RXRA: variants seen among roughly 807,000 people sequenced by gnomAD.
RXRA encodes retinoic acid receptor RXR-alpha.
Under a neutral mutation model 44.5 loss-of-function variants are expected in RXRA, and 5 were observed. The observed-to-expected ratio is 0.11, with a 90% confidence interval of 0.06 to 0.24. RXRA has a LOEUF of 0.24. RXRA is among the 10% of genes least tolerant of loss of function. RXRA has a pLI of 1.00. For missense variants in RXRA, 412 were observed against 646.5 expected, an observed-to-expected ratio of 0.64 and a Z score of 3.93; for synonymous variants, 291 against 271.4, an observed-to-expected ratio of 1.07 and a Z score of -0.71.
At chr9:134,372,824 C>T (rs574201202) in intron 1 of RXRA, among the ~76,000 whole-genome samples, 6 of 152,342 alleles carry the variant, frequency 3.9e-5, no homozygotes, top group African/African-American at 1.4e-4. Flanking sequence ...GCTGTGTGAC[C>T]CCAGGCGGTA....
Position 134,354,866 on chromosome 9 carries a change from G to T in RXRA, c.28+28207G>T, listed in dbSNP as rs558861589. Among the ~76,000 whole-genome samples the T allele has an allele frequency of 7.2e-5, 11 of 152,364 alleles. No homozygotes were observed. In the East Asian group the frequency reaches 2.1e-3, roughly 29 times the overall value. On this transcript the variant is annotated intron_variant, in intron 1 of 9. Transcript: ENST00000481739. ...CGTCCCATAGGCCTGTGCACTCCCAGTCCCCTAAGAGCCAGTGGAGCTGGC... is the reference window on the plus strand; with the variant it reads ...CGTCCCATAGGCCTGTGCACTCCCATTCCCCTAAGAGCCAGTGGAGCTGGC...
Position 134,426,693 on chromosome 9 carries a change from C to T in RXRA, c.911-2415C>T, listed in dbSNP as rs1322554396. The T allele has an allele frequency of 8.1e-6, 8 of 985,372 alleles. No individual in the cohort carries two copies. The highest frequency in any genetic ancestry group is 6.1e-5 in the Admixed American group (1 of 16,286). The allele number at this position is 985,372 out of a possible 1,614,324, so 61.0% of individuals were successfully genotyped here. On this transcript the variant is annotated intron_variant, in intron 6 of 9. Transcript: ENST00000481739. The surrounding 1 kb of genome is among the most constrained non-coding windows in gnomAD (Gnocchi z 4.6). ...TGCCTGCTGGGTGGCCTCAGGGGCT[C>T]TCGGGGCAGTGGGAGGGGAGGTGGC...
At chr9:134,432,519 C>T (rs940396330) in intron 8 of RXRA, among the ~76,000 whole-genome samples, 1 of 152,228 alleles carries the variant, frequency 6.6e-6, no homozygotes, top group Non-Finnish European at 1.5e-5. Context: ...CACAGGCCTC[C>T]TGGCCGACAG....
At chr9:134,350,444 G>A (rs971530345) in intron 1 of RXRA, among the ~76,000 whole-genome samples, 3 of 152,222 alleles carry the variant, frequency 2.0e-5, no homozygotes, top group Non-Finnish European at 4.4e-5. Context: ...AGCCACCTGC[G>A]TGGCGTGCTG....
intron 1 of RXRA, among the ~76,000 whole-genome samples, chr9:134,374,570 C>T (rs951526570): frequency 2.0e-5 from 3 of 152,212 alleles, no homozygotes; most frequent in African/African-American, 7.2e-5. Flanking sequence ...GTCTTCCTCC[C>T]AGACCAAACC....
intron 3 of RXRA, among the ~76,000 whole-genome samples, 165 bp from the exon 4 acceptor site, chr9:134,408,775 G>T (rs1223256068): frequency 6.6e-6 from 1 of 152,236 alleles, no homozygotes; most frequent in Non-Finnish European, 1.5e-5. Flanking sequence ...GAGGAGCAGA[G>T]AGAGTGAGGC....
Position 134,417,205 on chromosome 9 carries a change from G to T in RXRA, c.658G>T (p.Val220Leu). 1 of 1,613,540 alleles carries T rather than the reference G, an allele frequency of 6.2e-7. No homozygotes were observed. The highest frequency in any genetic ancestry group is 8.5e-7 in the Non-Finnish European group (1 of 1,179,978). Residue 220 changes from valine (V) to leucine (L), a missense_variant, in exon 5 of 10, where the codon GTG (valine) becomes TTG (leucine). By Grantham distance (32) the Val-to-Leu change is conservative. Around this residue, in one of 4 missense-constraint regions of RXRA, gnomAD observed 67 missense variants for 78.7 expected, o/e 0.85. Transcript: ENST00000481739. The surrounding 1 kb of genome is among the most constrained non-coding windows in gnomAD (Gnocchi z 6.1). ...TGGCAAGGACCGGAACGAGAATGAG[G>T]TGGAGTCGACCAGCAGCGCCAACGA... ...QRGKDRNENE[V>L]ESTSSANEDM...
intron 1 of RXRA, among the ~76,000 whole-genome samples, chr9:134,355,940 G>T (rs1035614964): frequency 1.3e-5 from 2 of 152,170 alleles, no homozygotes; most frequent in Non-Finnish European, 2.9e-5. Context: ...GACAAGCCCT[G>T]GGGGAGGGCA....
intron 1 of RXRA, among the ~76,000 whole-genome samples, chr9:134,392,090 G>A (rs1830808474): frequency 6.6e-6 from 1 of 152,242 alleles, no homozygotes; most frequent in Non-Finnish European, 1.5e-5. Flanking sequence ...CAGTGTGCAG[G>A]GCAAGCCCCG....
rs1277616081 is a variant in RXRA, at chr9:134,333,437, C to T, written c.28+6778C>T. Among the ~76,000 whole-genome samples the T allele has an allele frequency of 2.0e-5, 3 of 152,210 alleles. No homozygotes were observed. In the South Asian group the frequency reaches 6.2e-4, roughly 32 times the overall value. Reference sequence around the variant, plus strand: ...GGGCCTCGGTTTCCCCAGCTGTACCCGGGGCCAGGGCTGGGGGTGATGGGT... The same window carrying T: ...GGGCCTCGGTTTCCCCAGCTGTACCTGGGGCCAGGGCTGGGGGTGATGGGT... On this transcript the variant is annotated intron_variant, in intron 1 of 9. Coordinates refer to ENST00000481739, the MANE Select transcript of RXRA (RefSeq NM_002957.6).
rs189431157 is a variant in RXRA at position 134,353,282 on chromosome 9, G to A, written c.28+26623G>A. 1.3e-3 allele frequency among the ~76,000 whole-genome samples: 193 copies of A among 152,272 alleles called. 1 individual carries two copies. Among genetic ancestry groups the A allele is most frequent in the African/African-American group, 4.3e-3 (180 of 41,536 alleles). On this transcript the variant is annotated intron_variant, in intron 1 of 9. Coordinates refer to ENST00000481739, the MANE Select transcript of RXRA (RefSeq NM_002957.6). ...GTGGATTTCCTGGAGTCCTTCTCAGGGGTATCCCTGGTGTGCAGAGGTGGG... is the reference window on the plus strand; with the variant it reads ...GTGGATTTCCTGGAGTCCTTCTCAGAGGTATCCCTGGTGTGCAGAGGTGGG...
intron 1 of RXRA, among the ~76,000 whole-genome samples, chr9:134,357,492 G>A (rs1012487683): frequency 2.0e-5 from 3 of 152,114 alleles, no homozygotes; most frequent in Non-Finnish European, 4.4e-5. Context: ...AGTTGGTGAG[G>A]TCCGTATGTC....
At position 134,377,711 on chromosome 9, in the gene RXRA, A is replaced by C. The variant is rs139695458; in HGVS notation, c.29-23921A>C. Among the ~76,000 whole-genome samples the C allele has an allele frequency of 3.4e-3, 524 of 152,254 alleles. 5 individuals carry two copies. Among genetic ancestry groups the C allele is most frequent in the African/African-American group, 0.011 (466 of 41,540 alleles). ...CACTCTACTCTTGCAGAGATGTAAC[A>C]TTTTTATTCTGACTTCCAGCTGCTG... On this transcript the variant is annotated intron_variant, in intron 1 of 9. Coordinates refer to ENST00000481739, the MANE Select transcript of RXRA (RefSeq NM_002957.6).
rs1385262115 is a variant in RXRA, at chr9:134,417,459, G to T, written c.780+132G>T. On this transcript the variant is annotated intron_variant, in intron 5 of 9. Coordinates refer to ENST00000481739, the MANE Select transcript of RXRA (RefSeq NM_002957.6). This position sits in a 1 kb window ranked among gnomAD's most constrained non-coding sequence, Gnocchi z 6.1. ...TGCCCTGGGCCCTGTGGCTGCCTCAGCTCGGCCTCTTACCTGAGGTGACCC... is the reference window on the plus strand; with the variant it reads ...TGCCCTGGGCCCTGTGGCTGCCTCATCTCGGCCTCTTACCTGAGGTGACCC... The T allele has an allele frequency of 1.0e-5, 11 of 1,077,900 alleles. No homozygotes were observed. Among genetic ancestry groups the T allele is most frequent in the Non-Finnish European group, 1.5e-5 (11 of 757,950 alleles). 66.8% of individuals were successfully genotyped at this position (1,077,900 alleles called of 1,614,324 possible). A position where few individuals can be genotyped will look rare whatever the true frequency, so the allele number is the denominator to read the frequency against.
At position 134,433,295 on chromosome 9, in the gene RXRA, T is replaced by G. The variant is rs979843772; in HGVS notation, c.1136-807T>G. 3.9e-5 allele frequency among the ~76,000 whole-genome samples: 6 copies of G among 152,152 alleles called. No homozygotes were observed. Among genetic ancestry groups the G allele is most frequent in the Admixed American group, 1.3e-4 (2 of 15,292 alleles). On this transcript the variant is annotated intron_variant, in intron 8 of 9. Transcript: ENST00000481739. The surrounding 1 kb of genome is among the most constrained non-coding windows in gnomAD (Gnocchi z 4.2). ...TCCTGTGTGGTCTGGTTGCTAGAGCTGGGGCACCAGCAGGACCTGGGCACC... is the reference window on the plus strand; with the variant it reads ...TCCTGTGTGGTCTGGTTGCTAGAGCGGGGGCACCAGCAGGACCTGGGCACC...
chr9:134,423,640 G>T (rs1254284557), intron 6 of RXRA: 1 of 985,380 alleles, frequency 1.0e-6, no homozygotes, highest in Non-Finnish European at 1.2e-6. Context: ...CCTCGTGTCT[G>T]GTGGGTCCTT....
At chr9:134,397,714 G>T (rs1244149807) in intron 1 of RXRA, among the ~76,000 whole-genome samples, 2 of 152,188 alleles carry the variant, frequency 1.3e-5, no homozygotes, top group Non-Finnish European at 2.9e-5. Context: ...TGGGCACGGT[G>T]GGTGTAAGGG....
intron 1 of RXRA, among the ~76,000 whole-genome samples, chr9:134,327,073 G>C (rs1834927349): frequency 6.6e-6 from 1 of 151,998 alleles, no homozygotes; most frequent in Non-Finnish European, 1.5e-5. Flanking sequence ...GCTGGGCCCC[G>C]AGCGGCCTCT....
At chr9:134,389,919 G>A (rs973754387) in intron 1 of RXRA, among the ~76,000 whole-genome samples, 3 of 152,204 alleles carry the variant, frequency 2.0e-5, no homozygotes, top group Non-Finnish European at 4.4e-5. Flanking sequence ...GAGGAGCAGA[G>A]AAGCTGCCTG....
Sources: allele counts gnomAD v4.1 joint callset (sites outside exome capture counted in the v4.1 genomes callset), GRCh38; gene constraint gnomAD v4.1.1; regional missense constraint gnomAD v4.1.1; non-coding constraint Gnocchi (gnomAD v3.1); transcripts MANE v1.5; gene names NCBI Gene and HGNC (gene_info 2026-07-23, HGNC 2026-07-21).